Variants in GATA4 observed in about 807,000 individuals in gnomAD.
The protein encoded by GATA4 is GATA binding protein 4.
GATA4 carries 7 observed loss-of-function variants against 37.9 expected under a neutral mutation model. That is an observed-to-expected ratio of 0.18 (90% CI 0.11 to 0.35). The LOEUF (loss-of-function observed/expected upper bound fraction) is 0.35, where lower values mean the gene tolerates loss of function less well. Ranked by LOEUF, GATA4 falls within the 10% of genes least tolerant of loss-of-function variation. The pLI is 1.00. For synonymous variants in GATA4, 372 were observed against 292.6 expected (o/e 1.27, Z -2.77); for missense variants, 647 against 653.0 (o/e 0.99, Z 0.10).
intron 1 of GATA4, among the ~76,000 whole-genome samples, chr8:11,693,806 A>ATGTGTGAAAAGGGCCAAGTCATAGGT (rs1417637310): frequency 1.3e-5 from 2 of 152,064 alleles, no homozygotes; most frequent in East Asian, 3.9e-4. Context: ...TTGGCATCGA[A>ATGTGTGAAAAGGGCCAAGTCATAGGT]TGTGTGAAAA....
intron 1 of GATA4, among the ~76,000 whole-genome samples, chr8:11,679,853 GA>G (rs1269036970): frequency 6.6e-6 from 1 of 152,248 alleles, no homozygotes; most frequent in Non-Finnish European, 1.5e-5. Flanking sequence ...GTGTCCCTAA[GA>G]GGGGAAAATG....
At position 11,758,644 on chromosome 8, in the gene GATA4, G is replaced by A. The variant is rs1283486449; in HGVS notation, c.*169G>A. 2 of 709,330 alleles carry A rather than the reference G, an allele frequency of 2.8e-6. No individual in the cohort carries two copies. Among genetic ancestry groups the A allele is most frequent in the Non-Finnish European group, 4.9e-6 (2 of 405,750 alleles). The allele number at this position is 709,330 out of a possible 1,614,324, so 43.9% of individuals were successfully genotyped here. A position where few individuals can be genotyped will look rare whatever the true frequency, so the allele number is the denominator to read the frequency against. On this transcript the variant is annotated 3_prime_UTR_variant, in exon 7 of 7. Coordinates refer to ENST00000532059, the MANE Select transcript of GATA4 (RefSeq NM_001308093.3). ...AATCTGGTTAGGGGAAGCGGGTGTT[G>A]GATTTTCTCAGATGCCTTTACACGC...
intron 1 of GATA4, among the ~76,000 whole-genome samples, chr8:11,693,733 C>T (rs530967752): frequency 1.6e-4 from 25 of 152,230 alleles, no homozygotes; most frequent in South Asian, 6.2e-4. Flanking sequence ...TTGCCCTACC[C>T]CCACTCCCAG....
intron 2 of GATA4, among the ~76,000 whole-genome samples, chr8:11,733,474 T>C (rs1405804908): frequency 6.6e-6 from 1 of 152,184 alleles, no homozygotes; most frequent in Non-Finnish European, 1.5e-5. Flanking sequence ...CAGTGAAAAA[T>C]TACTTGCTGA....
Position 11,708,699 on chromosome 8 carries a change from T to A in GATA4, c.387T>A (p.Ala129=). 2 of 1,275,860 alleles carry A rather than the reference T, an allele frequency of 1.6e-6. No individual in the cohort carries two copies. Among genetic ancestry groups the A allele is most frequent in the Middle Eastern group, 3.0e-4 (1 of 3,294 alleles). 79.0% of individuals were successfully genotyped at this position (1,275,860 alleles called of 1,614,324 possible). A position where few individuals can be genotyped will look rare whatever the true frequency, so the allele number is the denominator to read the frequency against. Residue 129 remains alanine (A), a synonymous_variant, in exon 2 of 7, where the codon GCT becomes GCA. Coordinates refer to ENST00000532059, the MANE Select transcript of GATA4 (RefSeq NM_001308093.3). The surrounding 1 kb of genome is among the most constrained non-coding windows in gnomAD (Gnocchi z 6.7). ...AAAAAAAARE[A]AAYSSGGGAA... Reference sequence around the variant, plus strand: ...CCGCCGCTGCCGCGGCCCGGGAAGCTGCGGCCTACAGCAGTGGCGGCGGAG... The same window carrying A: ...CCGCCGCTGCCGCGGCCCGGGAAGCAGCGGCCTACAGCAGTGGCGGCGGAG...
chr8:11,689,582 C>T (rs373992236), upstream of GATA4, among the ~76,000 whole-genome samples: 4 of 152,180 alleles, frequency 2.6e-5, no homozygotes, highest in East Asian at 7.7e-4. Flanking sequence ...CAATATGTGC[C>T]TGGTGCCCAT....
intron 1 of GATA4, among the ~76,000 whole-genome samples, chr8:11,696,467 A>G (rs1029562988): frequency 1.3e-5 from 2 of 152,116 alleles, no homozygotes; most frequent in Non-Finnish European, 2.9e-5. Flanking sequence ...GTTACTGAGT[A>G]GTATTCCATT....
intron 2 of GATA4, among the ~76,000 whole-genome samples, chr8:11,722,706 A>G (rs1366519132): frequency 1.3e-5 from 2 of 152,070 alleles, no homozygotes; most frequent in Non-Finnish European, 2.9e-5. Context: ...CCTGTTGCTC[A>G]TGTAAGTCTG....
chr8:11,728,733 G>A lies in GATA4; in HGVS notation c.616+19805G>A, dbSNP rs146833281. 1.7e-3 allele frequency among the ~76,000 whole-genome samples: 254 copies of A among 152,256 alleles called. 1 individual carries two copies. The highest frequency in any genetic ancestry group is 5.5e-3 in the African/African-American group (228 of 41,548). ...CCAGCCCTGGATTCAATACCATAAAGGGTTAGATTGCACAGGAGGCTGCCA... is the reference window on the plus strand; with the variant it reads ...CCAGCCCTGGATTCAATACCATAAAAGGTTAGATTGCACAGGAGGCTGCCA... On this transcript the variant is annotated intron_variant, in intron 2 of 6. Transcript: ENST00000532059.
chr8:11,756,785 T>A, intron 5 of GATA4, 150 bp from the exon 6 acceptor site: 1 of 1,004,596 alleles, frequency 1.0e-6, no homozygotes, highest in Non-Finnish European at 1.6e-6. Context: ...GTGAGAACTG[T>A]AGCCCTCCGC....
chr8:11,681,027 G>T (rs922350096), intron 1 of GATA4: 1 of 937,494 alleles, frequency 1.1e-6, no homozygotes, highest in Non-Finnish European at 1.3e-6. Flanking sequence ...ACCCCAGGCT[G>T]CAAAGCACAG....
At chr8:11,752,994 G>T (rs1210449209) in intron 4 of GATA4, among the ~76,000 whole-genome samples, 1 of 152,130 alleles carries the variant, frequency 6.6e-6, no homozygotes, top group Non-Finnish European at 1.5e-5. Flanking sequence ...GTATTAAAAA[G>T]ATTATATTCT....
intron 2 of GATA4, among the ~76,000 whole-genome samples, chr8:11,717,459 A>G (rs1431061009): frequency 6.6e-6 from 1 of 152,136 alleles, no homozygotes; most frequent in African/African-American, 2.4e-5. Context: ...TTTTGCTGGA[A>G]AGAAAGCTGA....
chr8:11,720,501 T>A (rs534016106), intron 2 of GATA4, among the ~76,000 whole-genome samples: 1 of 152,276 alleles, frequency 6.6e-6, no homozygotes, highest in Non-Finnish European at 1.5e-5. Context: ...GTTACATAGG[T>A]AAACTCGTGT....
upstream of GATA4, among the ~76,000 whole-genome samples, chr8:11,688,308 AG>A (rs1193205138): frequency 6.6e-6 from 1 of 152,216 alleles, no homozygotes; most frequent in African/African-American, 2.4e-5. Flanking sequence ...TTTGCATTTC[AG>A]AAATAGGCAC....
chr8:11,718,605 C>G (rs985402344), intron 2 of GATA4, among the ~76,000 whole-genome samples: 1 of 152,242 alleles, frequency 6.6e-6, no homozygotes, highest in African/African-American at 2.4e-5. Context: ...TTCCTTTGTA[C>G]TCAAGCTTCC....
intron 1 of GATA4, among the ~76,000 whole-genome samples, chr8:11,695,291 A>G (rs965976297): frequency 2.0e-5 from 3 of 152,174 alleles, no homozygotes; most frequent in African/African-American, 7.2e-5. Context: ...CTGTAATCCC[A>G]GCAACTTGGG....
chr8:11,713,455 G>A (rs1800290502), intron 2 of GATA4, among the ~76,000 whole-genome samples: 1 of 152,086 alleles, frequency 6.6e-6, no homozygotes, highest in South Asian at 2.1e-4. Flanking sequence ...CAACCACACA[G>A]AATGGCTGCG....
chr8:11,749,775 G>A lies in GATA4; in HGVS notation c.787-336G>A, dbSNP rs557245647. Among the ~76,000 whole-genome samples the A allele has an allele frequency of 1.3e-5, 2 of 152,136 alleles. No homozygotes were observed. Among genetic ancestry groups the A allele is most frequent in the East Asian group, 1.9e-4 (1 of 5,192 alleles). On this transcript the variant is annotated intron_variant, in intron 3 of 6. Coordinates refer to ENST00000532059, the MANE Select transcript of GATA4 (RefSeq NM_001308093.3). The surrounding 1 kb of genome is among the most constrained non-coding windows in gnomAD (Gnocchi z 4.6). ...GCCTGCCCCCGGCACCTGCAGCCCC[G>A]GTCAGTTCTCCTCTCAGGAGAAGCT...
Sources: allele counts gnomAD v4.1 joint callset (sites outside exome capture counted in the v4.1 genomes callset), GRCh38; gene constraint gnomAD v4.1.1; non-coding constraint Gnocchi (gnomAD v3.1); transcripts MANE v1.5; gene names NCBI Gene and HGNC (gene_info 2026-07-23, HGNC 2026-07-21).